Variants in ALK observed in about 807,000 individuals in gnomAD.
ALK encodes ALK receptor tyrosine kinase.
Under a neutral mutation model 163.1 loss-of-function variants are expected in ALK, and 74 were observed. The ratio of observed to expected loss-of-function variants is 0.45; its 90% confidence interval spans 0.38 to 0.55. The LOEUF is 0.55. Ranked by LOEUF, ALK falls within the 20% of genes least tolerant of loss-of-function variation. The probability of loss-of-function intolerance (pLI) is 0.00; values close to 1 mark genes in which losing one functional copy is unlikely to be tolerated. For missense variants in ALK, 2,063 were observed against 2,105.3 expected, an observed-to-expected ratio of 0.98 and a Z score of 0.39; for synonymous variants, 960 against 843.2, an observed-to-expected ratio of 1.14 and a Z score of -2.40.
intron 4 of ALK, among the ~76,000 whole-genome samples, chr2:29,412,646 A>C (rs140334401): frequency 2.0e-5 from 3 of 152,322 alleles, no homozygotes; most frequent in East Asian, 3.9e-4. Flanking sequence ...TCACATCAGC[A>C]TATGCAGAGT....
chr2:29,498,487 T>C (rs555940968), intron 4 of ALK, among the ~76,000 whole-genome samples: 1 of 152,032 alleles, frequency 6.6e-6, no homozygotes, highest in South Asian at 2.1e-4. Flanking sequence ...AAAATGGGAG[T>C]AATGGAGCCA....
At chr2:29,557,933 T>C (rs1490620344) in intron 3 of ALK, among the ~76,000 whole-genome samples, 3 of 151,972 alleles carry the variant, frequency 2.0e-5, no homozygotes, top group Non-Finnish European at 2.9e-5. Context: ...GGCAAAGGAG[T>C]CCTCTAGACT....
At chr2:29,318,498 G>T in intron 7 of ALK, 94 bp from the exon 8 acceptor site, 1 of 863,978 alleles carries the variant, frequency 1.2e-6, no homozygotes, top group Non-Finnish European at 2.0e-6. Context: ...TTCTTATCTA[G>T]CCTAGGGATA....
intron 1 of ALK, among the ~76,000 whole-genome samples, chr2:29,753,019 T>G (rs2148332122): frequency 6.6e-6 from 1 of 152,284 alleles, no homozygotes; most frequent in South Asian, 2.1e-4. Flanking sequence ...CAGGCTCATG[T>G]CTTCCTTGTC....
intron 3 of ALK, among the ~76,000 whole-genome samples, chr2:29,647,077 A>G (rs904469155): frequency 5.3e-5 from 8 of 152,152 alleles, no homozygotes; most frequent in Admixed American, 3.9e-4. Context: ...TTTCCTTGTA[A>G]TATAATATAT....
chr2:29,641,511 C>A (rs1676702126), intron 3 of ALK, among the ~76,000 whole-genome samples: 1 of 152,080 alleles, frequency 6.6e-6, no homozygotes, highest in African/African-American at 2.4e-5. Flanking sequence ...AATAACAATG[C>A]AAAGTCATTC....
chr2:29,486,669 A>G (rs1350532538), intron 4 of ALK, among the ~76,000 whole-genome samples: 1 of 152,228 alleles, frequency 6.6e-6, no homozygotes, highest in East Asian at 1.9e-4. Flanking sequence ...CTACCAGTAA[A>G]TTAAAAACAA....
intron 4 of ALK, among the ~76,000 whole-genome samples, chr2:29,398,326 T>G (rs1669361445): frequency 6.6e-6 from 1 of 152,126 alleles, no homozygotes; most frequent in Admixed American, 6.5e-5. Context: ...CTGCTCCCAG[T>G]TTTTGGCTGG....
chr2:29,584,511 A>G (rs1674824457), intron 3 of ALK, among the ~76,000 whole-genome samples: 1 of 152,176 alleles, frequency 6.6e-6, no homozygotes, highest in African/African-American at 2.4e-5. Flanking sequence ...GTGACCATGG[A>G]AACACTTGCT....
chr2:29,658,980 G>A (rs1212006684), intron 3 of ALK, among the ~76,000 whole-genome samples: 1 of 152,034 alleles, frequency 6.6e-6, no homozygotes, highest in Non-Finnish European at 1.5e-5. Flanking sequence ...ATCAAATTGG[G>A]AGAGAGCTCA....
At chr2:29,818,930 C>T (rs1170707107) in intron 1 of ALK, among the ~76,000 whole-genome samples, 1 of 152,204 alleles carries the variant, frequency 6.6e-6, no homozygotes, top group Non-Finnish European at 1.5e-5. Context: ...GGCACATAGG[C>T]AGAAGGTTTG....
intron 1 of ALK, among the ~76,000 whole-genome samples, chr2:29,916,846 G>A (rs1162347195): frequency 6.6e-6 from 1 of 152,184 alleles, no homozygotes; most frequent in Admixed American, 6.5e-5. Flanking sequence ...CTTGCAGACA[G>A]ACATCTTTTC....
intron 3 of ALK, among the ~76,000 whole-genome samples, chr2:29,547,647 G>A (rs936705156): frequency 6.6e-6 from 1 of 152,144 alleles, no homozygotes; most frequent in Non-Finnish European, 1.5e-5. Flanking sequence ...AAAGGCCAGA[G>A]GGGAACTGAA....
At chr2:29,649,991 A>G (rs991677232) in intron 3 of ALK, among the ~76,000 whole-genome samples, 1 of 152,188 alleles carries the variant, frequency 6.6e-6, no homozygotes, top group Non-Finnish European at 1.5e-5. Context: ...CCCTTTGGGA[A>G]TCAAACTCCA....
chr2:29,598,538 A>C (rs1409575750), intron 3 of ALK, among the ~76,000 whole-genome samples: 1 of 152,180 alleles, frequency 6.6e-6, no homozygotes, highest in East Asian at 1.9e-4. Flanking sequence ...CAGTCTTGCA[A>C]GTAGGAATAG....
At chr2:29,859,755 C>T (rs115550156) in intron 1 of ALK, among the ~76,000 whole-genome samples, 1,543 of 152,228 alleles carry the variant, frequency 0.01, 28 homozygotes, top group African/African-American at 0.035. Context: ...GAGGAGAAGA[C>T]GGTTTGGTCA....
chr2:29,704,174 C>T (rs1365316887), intron 2 of ALK, among the ~76,000 whole-genome samples: 3 of 152,202 alleles, frequency 2.0e-5, no homozygotes, highest in South Asian at 4.1e-4. Context: ...GAGATCTACA[C>T]GTAAAGCTAC....
At chr2:29,440,684 C>T (rs931419633) in intron 4 of ALK, among the ~76,000 whole-genome samples, 2 of 152,178 alleles carry the variant, frequency 1.3e-5, no homozygotes, top group Non-Finnish European at 2.9e-5. Context: ...TCAGGGTCCC[C>T]TGCAATCATT....
chr2:29,578,187 A>G (rs942877006), intron 3 of ALK, among the ~76,000 whole-genome samples: 4 of 151,584 alleles, frequency 2.6e-5, no homozygotes, highest in African/African-American at 9.7e-5. Context: ...TTTAAAAACG[A>G]GTTTCCCTAC....
Sources: allele counts gnomAD v4.1 joint callset (sites outside exome capture counted in the v4.1 genomes callset), GRCh38; gene constraint gnomAD v4.1.1; transcripts MANE v1.5; gene names NCBI Gene and HGNC (gene_info 2026-07-23, HGNC 2026-07-21).